The following COL23A1 variants were observed in gnomAD, a reference collection of about 807,000 sequenced individuals.
The protein encoded by COL23A1 is collagen type XXIII alpha 1 chain, also known as collagen alpha-1(XXIII) chain.
Under a neutral mutation model 99.3 loss-of-function variants are expected in COL23A1, and 97 were observed. That is an observed-to-expected ratio of 0.98 (90% CI 0.83 to 1.16). The LOEUF (loss-of-function observed/expected upper bound fraction) is 1.16, where lower values mean the gene tolerates loss of function less well. Among genes scored for constraint, COL23A1 ranks in the 50% most tolerant of loss-of-function variants. COL23A1 has a pLI of 0.00. For missense variants in COL23A1, 762 were observed against 757.4 expected, an observed-to-expected ratio of 1.01 and a Z score of -0.07; for synonymous variants, 320 against 308.2, an observed-to-expected ratio of 1.04 and a Z score of -0.40.
In COL23A1 at chr5:178,358,695, GTA is replaced by G. The variant is rs1491311892; in HGVS notation, c.362-51778_362-51777del. 5.8e-4 allele frequency among the ~76,000 whole-genome samples: 83 copies of G among 144,044 alleles called. 1 individual carries two copies. The highest frequency in any genetic ancestry group is 1.2e-3 in the South Asian group (5 of 4,312). 94.5% of individuals were successfully genotyped at this position (144,044 alleles called of 152,430 possible). On this transcript the variant is annotated intron_variant, in intron 2 of 28. Coordinates refer to ENST00000390654, the MANE Select transcript of COL23A1 (RefSeq NM_173465.4). ...AATGTGTATGTGTATGTGTGTGTAT[GTA>G]TGTGTATGTGTGTATGTGTGTATGT... is the stretch of plus-strand genomic sequence containing the variant.
chr5:178,267,239 C>A (rs940039248), intron 8 of COL23A1, 68 bp downstream of exon 8: 1 of 1,538,784 alleles, frequency 6.5e-7, no homozygotes, highest in Admixed American at 1.7e-5. Flanking sequence ...GAAGCAGCGC[C>A]AGTTATGCCT....
At chr5:178,475,090 A>C (rs111568131) in intron 2 of COL23A1, among the ~76,000 whole-genome samples, 13 of 152,160 alleles carry the variant, frequency 8.5e-5, no homozygotes, top group African/African-American at 3.1e-4. Flanking sequence ...TCTGCGTCTA[A>C]ATTTCCCTTG....
rs1053485574 is a variant in COL23A1, at chr5:178,414,537, C to T, written c.362-107618G>A. Among the ~76,000 whole-genome samples the T allele has an allele frequency of 6.6e-5, 10 of 152,038 alleles. No homozygotes were observed. In the South Asian group the frequency reaches 8.3e-4, roughly 13 times the overall value. On this transcript the variant is annotated intron_variant, in intron 2 of 28. Coordinates refer to ENST00000390654, the MANE Select transcript of COL23A1 (RefSeq NM_173465.4). Reference sequence around the variant, plus strand: ...CTGTGATCCCAGCACTGTGGGAGGCCGAGGTGGGCAGATCAACTGAGGTCA... The same window carrying T: ...CTGTGATCCCAGCACTGTGGGAGGCTGAGGTGGGCAGATCAACTGAGGTCA...
intron 2 of COL23A1, among the ~76,000 whole-genome samples, chr5:178,376,051 C>T (rs925931097): frequency 1.3e-5 from 2 of 152,144 alleles, no homozygotes; most frequent in African/African-American, 4.8e-5. Flanking sequence ...CAAATGTCTT[C>T]CTCCCAGGGG....
rs898939628 is a variant in COL23A1, at chr5:178,307,610, C to A, written c.362-691G>T. ...TCTGGCCCTCTGCCCACATCAGACCCTGAGACCAGAGTAACCTCAGCGCTG... is the reference window on the plus strand; with the variant it reads ...TCTGGCCCTCTGCCCACATCAGACCATGAGACCAGAGTAACCTCAGCGCTG... On this transcript the variant is annotated intron_variant, in intron 2 of 28. Transcript: ENST00000390654. This position sits in a 1 kb window ranked among gnomAD's most constrained non-coding sequence, Gnocchi z 4.2. Among the ~76,000 whole-genome samples, 2 of 152,234 alleles carry A rather than the reference C, an allele frequency of 1.3e-5. No homozygotes were observed. The highest frequency in any genetic ancestry group is 2.9e-5 in the Non-Finnish European group (2 of 68,050).
At chr5:178,314,482 C>T (rs975481707) in intron 2 of COL23A1, among the ~76,000 whole-genome samples, 3 of 152,090 alleles carry the variant, frequency 2.0e-5, no homozygotes, top group African/African-American at 7.2e-5. Context: ...CGGTGCCATT[C>T]GGTGGATGAA....
chr5:178,349,358 C>T (rs900862844), intron 2 of COL23A1, among the ~76,000 whole-genome samples: 3 of 152,142 alleles, frequency 2.0e-5, no homozygotes, highest in African/African-American at 7.2e-5. Flanking sequence ...CCCACTGCGG[C>T]GGGTGCCCAG....
At position 178,252,553 on chromosome 5, in the gene COL23A1, A is replaced by G. The variant is rs747655734; in HGVS notation, c.1005T>C (p.Pro335=). The G allele has an allele frequency of 5.0e-6, 8 of 1,611,934 alleles. No individual in the cohort carries two copies. Among genetic ancestry groups the G allele is most frequent in the Non-Finnish European group, 6.8e-6 (8 of 1,179,140 alleles). ...CTGCATCTGCACTGACCTTGGCTCC[A>G]GGGATCCCTGGTGGCCCTGGGGGCC... is the stretch of plus-strand genomic sequence containing the variant. ...PQGPPGPPGI[P]GAKGELGLPG... The change falls in exon 17 of 29, where the codon CCT becomes CCC. Residue 335 remains proline, a synonymous_variant. Coordinates refer to ENST00000390654, the MANE Select transcript of COL23A1 (RefSeq NM_173465.4).
At chr5:178,584,910 C>T (rs1419765045) in intron 1 of COL23A1, among the ~76,000 whole-genome samples, 1 of 152,176 alleles carries the variant, frequency 6.6e-6, no homozygotes, top group Admixed American at 6.5e-5. Context: ...CCATTCTTTG[C>T]ATGTGCTATG....
intron 2 of COL23A1, among the ~76,000 whole-genome samples, chr5:178,449,712 G>A (rs1480794224): frequency 6.6e-6 from 1 of 151,910 alleles, no homozygotes; most frequent in African/African-American, 2.4e-5. Flanking sequence ...TAGAGAAGTG[G>A]CCCGAGACAC....
At chr5:178,537,836 G>A (rs918543637) in intron 2 of COL23A1, among the ~76,000 whole-genome samples, 7 of 152,284 alleles carry the variant, frequency 4.6e-5, no homozygotes, top group East Asian at 3.9e-4. Context: ...GCTCAGTGGC[G>A]GTAAGTACAT....
chr5:178,390,004 A>T (rs991514544), intron 2 of COL23A1, among the ~76,000 whole-genome samples: 2 of 152,160 alleles, frequency 1.3e-5, no homozygotes, highest in Admixed American at 1.3e-4. Flanking sequence ...GTGCTCAGAG[A>T]CTATGTGTCC....
At chr5:178,538,169 C>T (rs1370091136) in intron 2 of COL23A1, among the ~76,000 whole-genome samples, 4 of 152,218 alleles carry the variant, frequency 2.6e-5, no homozygotes, top group Non-Finnish European at 5.9e-5. Context: ...GTTCCTCCCT[C>T]CTCCTCACAC....
chr5:178,547,743 C>CCCCACACACG (rs1468098356), intron 2 of COL23A1, among the ~76,000 whole-genome samples: 1 of 2,520 alleles, frequency 4.0e-4, no homozygotes, highest in African/African-American at 1.4e-3. Context: ...CCCCACACAC[C>CCCCACACACG]CCCACACCCA....
At chr5:178,470,501 C>T (rs948228141) in intron 2 of COL23A1, among the ~76,000 whole-genome samples, 3 of 152,260 alleles carry the variant, frequency 2.0e-5, no homozygotes, top group Admixed American at 6.5e-5. Context: ...CACGGCAAGC[C>T]GTCAGTGTCG....
At chr5:178,274,351 C>A (rs947092507) in intron 5 of COL23A1, among the ~76,000 whole-genome samples, 1 of 152,170 alleles carries the variant, frequency 6.6e-6, no homozygotes, top group Non-Finnish European at 1.5e-5. Flanking sequence ...GGAGGACAAG[C>A]GCCTCAGGGA....
intron 2 of COL23A1, among the ~76,000 whole-genome samples, chr5:178,357,604 ATGGGTATCACCCTTGCT>A (rs1357311414): frequency 2.0e-5 from 3 of 152,220 alleles, no homozygotes; most frequent in African/African-American, 7.2e-5. Flanking sequence ...CTCTAGGCTG[ATGGGTATCACCCTTGCT>A]TTCACATGTT....
At chr5:178,246,728 CGGG>C (rs5873597) in intron 22 of COL23A1, among the ~76,000 whole-genome samples, 306 of 147,122 alleles carry the variant, frequency 2.1e-3, no homozygotes, top group African/African-American at 7.1e-3. Flanking sequence ...AGACGGGGGG[CGGG>C]GGGGGGGGGA....
chr5:178,343,015 G>A (rs1481722697), intron 2 of COL23A1, among the ~76,000 whole-genome samples: 1 of 152,228 alleles, frequency 6.6e-6, no homozygotes. Context: ...ATGGTTTTGA[G>A]TACCGAAGTG....
Sources: gnomAD v4.1 joint callset for allele counts (sites outside exome capture counted in the v4.1 genomes callset) on GRCh38, gnomAD v4.1.1 for gene constraint, Gnocchi (gnomAD v3.1) non-coding constraint, MANE v1.5 for transcripts, NCBI Gene and HGNC (gene_info 2026-07-23, HGNC 2026-07-21) for gene names.